Variants in DNAL1 observed in about 807,000 individuals in gnomAD.
DNAL1 encodes dynein axonemal light chain 1, also known as chromosome 14 open reading frame 168.
Under a neutral mutation model 29.4 loss-of-function variants are expected in DNAL1, and 17 were observed. That is an observed-to-expected ratio of 0.58 (90% confidence interval 0.40 to 0.87). The LOEUF (loss-of-function observed/expected upper bound fraction) is 0.87. DNAL1 is among the 40% of genes least tolerant of loss of function. DNAL1 has a pLI of 0.00. For missense variants in DNAL1, 188 were observed against 214.1 expected, an observed-to-expected ratio of 0.88 and a Z score of 0.76; for synonymous variants, 78 against 76.3, an observed-to-expected ratio of 1.02 and a Z score of -0.12.
intron 7 of DNAL1, among the ~76,000 whole-genome samples, chr14:73,691,852 C>T (rs1008720586): frequency 7.1e-6 from 1 of 140,670 alleles, no homozygotes; most frequent in East Asian, 4.0e-4. Context: ...CGCCACCCCC[C>T]CCCCCCAGCT....
chr14:73,679,425 A>G (rs1440378063), intron 5 of DNAL1, among the ~76,000 whole-genome samples: 1 of 152,216 alleles, frequency 6.6e-6, no homozygotes, highest in Non-Finnish European at 1.5e-5. Flanking sequence ...TTGTAGTAGC[A>G]TTATTTATAA....
chr14:73,698,137 A>G lies in DNAL1; in HGVS notation c.*2195A>G, dbSNP rs1892346475. 1 of 152,194 alleles carries G rather than the reference A, an allele frequency of 6.6e-6. No individual in the cohort carries two copies. The highest frequency in any genetic ancestry group is 2.4e-5 in the African/African-American group (1 of 41,434). 9.4% of individuals were successfully genotyped at this position (152,194 alleles called of 1,614,324 possible). A position where few individuals can be genotyped will look rare whatever the true frequency, so the allele number is the denominator to read the frequency against. ...GTTTTTTCTGAATTCTGTAATATAG[A>G]AACTGGTTCTCTTTCTCCTTGTTTC... On this transcript the variant is annotated 3_prime_UTR_variant, in exon 8 of 8. Transcript: ENST00000553645.
intron 1 of DNAL1, among the ~76,000 whole-genome samples, chr14:73,649,318 T>C (rs1488186845): frequency 6.6e-6 from 1 of 150,728 alleles, no homozygotes; most frequent in African/African-American, 2.4e-5. Flanking sequence ...AGTCTCGCTC[T>C]GTCGCCAGGG....
Position 73,703,144 on chromosome 14 carries a change from CAAAG to C in DNAL1, c.*7207_*7210del, listed in dbSNP as rs2140074386. 6.6e-6 allele frequency: 1 copy of C among 152,054 alleles called. No homozygotes were observed. The highest frequency in any genetic ancestry group is 1.9e-4 in the East Asian group (1 of 5,192). 9.4% of individuals were successfully genotyped at this position (152,054 alleles called of 1,614,324 possible). A position where few individuals can be genotyped will look rare whatever the true frequency, so the allele number is the denominator to read the frequency against. ...ACAAATTTCAATTTCTGAGTTTATA[CAAAG>C]AAAGCCTTAATTCAGATCATAAATA... On this transcript the variant is annotated 3_prime_UTR_variant, in exon 8 of 8. Transcript: ENST00000553645.
intron 4 of DNAL1, among the ~76,000 whole-genome samples, chr14:73,666,580 TGTTAG>T (rs1891485892): frequency 6.6e-6 from 1 of 152,228 alleles, no homozygotes; most frequent in Non-Finnish European, 1.5e-5. Flanking sequence ...TATTATGTTA[TGTTAG>T]AACACTTAAT....
rs114875189 is a variant in DNAL1, at chr14:73,684,072, T to C, written c.265-3187T>C. Among the ~76,000 whole-genome samples, 1,223 of 152,306 alleles carry C rather than the reference T, an allele frequency of 8.0e-3. 23 individuals carry two copies. The highest frequency in any genetic ancestry group is 0.028 in the African/African-American group (1,159 of 41,548). On this transcript the variant is annotated intron_variant, in intron 5 of 7. Coordinates refer to ENST00000553645, the MANE Select transcript of DNAL1 (RefSeq NM_031427.4). Reference sequence around the variant, plus strand: ...GCAGTGTCATTCTGTGTCTGATGTGTCACTTAACATAATGTTCTCCAGGTT... The same window carrying C: ...GCAGTGTCATTCTGTGTCTGATGTGCCACTTAACATAATGTTCTCCAGGTT...
intron 5 of DNAL1, among the ~76,000 whole-genome samples, chr14:73,675,211 AACACACAC>A (rs141910596): frequency 1.4e-5 from 2 of 147,254 alleles, no homozygotes; most frequent in East Asian, 2.0e-4. Context: ...CTCACACACA[AACACACAC>A]ACACACACAC....
chr14:73,685,869 A>C (rs551673064), intron 5 of DNAL1, among the ~76,000 whole-genome samples: 1 of 152,082 alleles, frequency 6.6e-6, no homozygotes, highest in Non-Finnish European at 1.5e-5. Context: ...TCTTTTGGCT[A>C]TTGTGAATTT....
In DNAL1 at chr14:73,703,604, C is replaced by G. The variant is rs1892488120; in HGVS notation, c.*7662C>G. On this transcript the variant is annotated 3_prime_UTR_variant, in exon 8 of 8. Transcript: ENST00000553645. ...TCCACCCACTGTCTGCAAAACATTG[C>G]TCTTAACTTCAGCGCCTATCCCAAA... 1 of 152,260 alleles carries G rather than the reference C, an allele frequency of 6.6e-6. No homozygotes were observed. The highest frequency in any genetic ancestry group is 6.5e-5 in the Admixed American group (1 of 15,286). 9.4% of individuals were successfully genotyped at this position (152,260 alleles called of 1,614,324 possible). A position where few individuals can be genotyped will look rare whatever the true frequency, so the allele number is the denominator to read the frequency against.
rs140750773 is a variant in DNAL1 at position 73,656,400 on chromosome 14, A to G, written c.42+1515A>G. Among the ~76,000 whole-genome samples, 451 of 141,122 alleles carry G rather than the reference A, an allele frequency of 3.2e-3. 2 individuals are homozygous for G. Among genetic ancestry groups the G allele is most frequent in the African/African-American group, 0.011 (406 of 38,294 alleles). 92.6% of individuals were successfully genotyped at this position (141,122 alleles called of 152,430 possible). ...TTTTTTGTTTTGGCTGGTAGAGTCT[A>G]TTTCTAGATTACAATATGGCCATAC... On this transcript the variant is annotated intron_variant, in intron 2 of 7. Transcript: ENST00000553645.
intron 6 of DNAL1, 109 bp downstream of exon 6, chr14:73,687,494 A>G: frequency 7.8e-7 from 1 of 1,276,852 alleles, no homozygotes; most frequent in Middle Eastern, 2.0e-4. Flanking sequence ...ACAGAGAGAA[A>G]GTGGAAACAT....
At chr14:73,662,303 T>TTTTTTTTTAGAGGCAGG (rs1891374294) in intron 4 of DNAL1, among the ~76,000 whole-genome samples, 1 of 152,216 alleles carries the variant, frequency 6.6e-6, no homozygotes, top group East Asian at 1.9e-4. Context: ...GATTTTTAAT[T>TTTTTTTTTAGAGGCAGG]GTGTATTTCT....
intron 1 of DNAL1, among the ~76,000 whole-genome samples, chr14:73,646,896 A>G (rs1890988051): frequency 6.6e-6 from 1 of 152,230 alleles, no homozygotes; most frequent in Non-Finnish European, 1.5e-5. Context: ...TTAGTCTGCA[A>G]ACTAGCAGAC....
chr14:73,685,460 ATTTT>A (rs200537222), intron 5 of DNAL1, among the ~76,000 whole-genome samples: 3 of 139,602 alleles, frequency 2.1e-5, no homozygotes, highest in Admixed American at 7.4e-5. Context: ...TTTCTGCTTA[ATTTT>A]TTTTTTTTTT....
chr14:73,687,479 TA>T, intron 6 of DNAL1, 94 bp downstream of exon 6: 1 of 1,362,486 alleles, frequency 7.3e-7, no homozygotes, highest in Non-Finnish European at 9.6e-7. Flanking sequence ...CGTTTATTTC[TA>T]AGCACAGAGA....
intron 2 of DNAL1, among the ~76,000 whole-genome samples, chr14:73,657,852 C>A (rs1441997754): frequency 6.6e-6 from 1 of 152,242 alleles, no homozygotes; most frequent in African/African-American, 2.4e-5. Context: ...TCCTCGGCCT[C>A]CCGAAGTGCT....
intron 5 of DNAL1, among the ~76,000 whole-genome samples, chr14:73,671,930 T>C (rs1471751028): frequency 6.6e-6 from 1 of 152,220 alleles, no homozygotes; most frequent in Non-Finnish European, 1.5e-5. Context: ...TCAGGAAAGA[T>C]GAAGTGAATA....
chr14:73,649,695 C>A (rs1254394490), intron 1 of DNAL1, among the ~76,000 whole-genome samples: 1 of 152,038 alleles, frequency 6.6e-6, no homozygotes. Context: ...ATTCTGATAC[C>A]CTTTACTCAC....
chr14:73,686,306 A>G (rs2140057474), intron 5 of DNAL1, among the ~76,000 whole-genome samples: 1 of 152,318 alleles, frequency 6.6e-6, no homozygotes, highest in East Asian at 1.9e-4. Context: ...GACAGATTTC[A>G]CTGAATTGAT....
Sources: allele counts gnomAD v4.1 joint callset (sites outside exome capture counted in the v4.1 genomes callset), GRCh38; gene constraint gnomAD v4.1.1; transcripts MANE v1.5; gene names NCBI Gene and HGNC (gene_info 2026-07-23, HGNC 2026-07-21).